The following ADCY9 variants were observed in gnomAD, a reference collection of about 807,000 sequenced individuals.
ADCY9 encodes the protein adenylate cyclase type 9.
Under a neutral mutation model 101.5 loss-of-function variants are expected in ADCY9, and 50 were observed. The ratio of observed to expected loss-of-function variants is 0.49; its 90% confidence interval spans 0.39 to 0.62. The LOEUF is 0.62. Ranked by LOEUF, ADCY9 falls within the 20% of genes least tolerant of loss-of-function variation. ADCY9 has a pLI of 0.00. For synonymous variants in ADCY9, 905 were observed against 769.3 expected, an observed-to-expected ratio of 1.18 and a Z score of -2.92; for missense variants, 1,662 against 1,800.4, an observed-to-expected ratio of 0.92 and a Z score of 1.39.
downstream of ADCY9, among the ~76,000 whole-genome samples, chr16:3,960,063 A>G (rs1009944321): frequency 6.6e-5 from 10 of 152,040 alleles, no homozygotes; most frequent in African/African-American, 2.4e-4. Flanking sequence ...CGCATGTAAC[A>G]ATGAGTAGCA....
chr16:4,034,515 T>C (rs2056576890), intron 2 of ADCY9, among the ~76,000 whole-genome samples: 1 of 152,118 alleles, frequency 6.6e-6, no homozygotes, highest in South Asian at 2.1e-4. Flanking sequence ...GTTCAAGAGT[T>C]TCTCCTGCCT....
In ADCY9 at chr16:3,989,120, C is replaced by T. The variant is rs760980813; in HGVS notation, c.2208-24G>A. 4 of 1,520,032 alleles carry T rather than the reference C, an allele frequency of 2.6e-6. No homozygotes were observed. The South Asian group carries it at 3.4e-5, about 13-fold the overall frequency. 94.2% of individuals were successfully genotyped at this position (1,520,032 alleles called of 1,614,324 possible). A position where few individuals can be genotyped will look rare whatever the true frequency, so the allele number is the denominator to read the frequency against. Reference sequence around the variant, plus strand: ...GGCTAGAAGACACAACAAATGCAGTCGATCAATACCCAGCACCATAACTGT... The same window carrying T: ...GGCTAGAAGACACAACAAATGCAGTTGATCAATACCCAGCACCATAACTGT... On this transcript the variant is annotated intron_variant, in intron 5 of 10. Transcript: ENST00000294016.
At chr16:4,005,495 C>T (rs2056361051) in intron 3 of ADCY9, among the ~76,000 whole-genome samples, 1 of 152,192 alleles carries the variant, frequency 6.6e-6, no homozygotes, top group African/African-American at 2.4e-5. Flanking sequence ...GCCCACAGCA[C>T]CAGGATTACA....
At position 4,113,987 on chromosome 16, in the gene ADCY9, T is replaced by A; in HGVS notation, c.1456A>T (p.Met486Leu). Residue 486 changes from methionine (M) to leucine (L), a missense_variant, in exon 2 of 11, where the codon ATG becomes TTG. By Grantham distance (15) the Met-to-Leu change is conservative. Around this residue, in one of 5 missense-constraint regions of ADCY9, gnomAD observed 228 missense variants for 301.1 expected, o/e 0.76. Coordinates refer to ENST00000294016, the MANE Select transcript of ADCY9 (RefSeq NM_001116.4). ...FCQEKKEMVN[M>L]RVGVHTGTVL... ...GTGCCCGTGTGCACCCCGACTCTCA[T>A]GTTCACCATCTCCTTCTTCTCCTGG... The A allele has an allele frequency of 6.2e-7, 1 of 1,613,942 alleles. No individual in the cohort carries two copies. The highest frequency in any genetic ancestry group is 8.5e-7 in the Non-Finnish European group (1 of 1,180,034).
chr16:4,027,908 G>C (rs1317515891), intron 2 of ADCY9, among the ~76,000 whole-genome samples: 1 of 151,240 alleles, frequency 6.6e-6, no homozygotes, highest in Admixed American at 6.6e-5. Context: ...AAACCCATCA[G>C]ATCTCGTGAG....
intron 6 of ADCY9, among the ~76,000 whole-genome samples, chr16:3,985,625 G>A (rs1243803128): frequency 6.6e-6 from 1 of 152,144 alleles, no homozygotes; most frequent in Non-Finnish European, 1.5e-5. Flanking sequence ...TTCCACGTGG[G>A]CTGCCGTCCT....
chr16:4,057,052 C>G (rs1044128916), intron 2 of ADCY9, among the ~76,000 whole-genome samples: 4 of 135,186 alleles, frequency 3.0e-5, no homozygotes, highest in Admixed American at 7.3e-5. Flanking sequence ...CCCCCCCCCC[C>G]GCCAATCTTA....
At chr16:4,036,660 C>T (rs2141760764) in intron 2 of ADCY9, among the ~76,000 whole-genome samples, 1 of 151,956 alleles carries the variant, frequency 6.6e-6, no homozygotes. Context: ...AAGGGTTTCG[C>T]CATGTTGGCC....
intron 10 of ADCY9, among the ~76,000 whole-genome samples, chr16:3,968,200 T>G (rs1276975904): frequency 6.6e-6 from 1 of 152,048 alleles, no homozygotes; most frequent in East Asian, 1.9e-4. Flanking sequence ...TGGTGAGATC[T>G]TGGCTCACTA....
chr16:4,089,694 C>T lies in ADCY9; in HGVS notation c.1693+24056G>A, dbSNP rs144505869. On this transcript the variant is annotated intron_variant, in intron 2 of 10. Coordinates refer to ENST00000294016, the MANE Select transcript of ADCY9 (RefSeq NM_001116.4). ...TGAACCATTTCACGTTCTCACCAGC[C>T]GTAAAGGGGAAAGTCTGGGAGGCTC... Among the ~76,000 whole-genome samples the T allele has an allele frequency of 6.9e-3, 1,048 of 152,082 alleles. 11 individuals are homozygous for T. The highest frequency in any genetic ancestry group is 0.024 in the African/African-American group (1,004 of 41,506).
chr16:4,004,971 T>C (rs1053338889), intron 3 of ADCY9, among the ~76,000 whole-genome samples: 1 of 152,102 alleles, frequency 6.6e-6, no homozygotes, highest in African/African-American at 2.4e-5. Context: ...AATGTATTGG[T>C]CCTTGGCATG....
intron 10 of ADCY9, among the ~76,000 whole-genome samples, chr16:3,969,569 AAT>A (rs57260468): frequency 0.021 from 944 of 45,166 alleles, 19 homozygotes; most frequent in Middle Eastern, 0.077. Context: ...GTTTGTTTGA[AAT>A]ATATATATAT....
At chr16:4,056,327 T>C (rs2056737809) in intron 2 of ADCY9, among the ~76,000 whole-genome samples, 1 of 152,212 alleles carries the variant, frequency 6.6e-6, no homozygotes, top group Non-Finnish European at 1.5e-5. Context: ...CAATCTCAGC[T>C]CACTGTAACC....
chr16:4,089,807 G>C (rs762580687), intron 2 of ADCY9, among the ~76,000 whole-genome samples: 1 of 152,000 alleles, frequency 6.6e-6, no homozygotes, highest in Non-Finnish European at 1.5e-5. Context: ...GCGTGCCAAG[G>C]TGGCTTCCAA....
intron 2 of ADCY9, among the ~76,000 whole-genome samples, chr16:4,091,851 TA>T (rs1408491538): frequency 6.6e-6 from 1 of 152,232 alleles, no homozygotes; most frequent in Non-Finnish European, 1.5e-5. Context: ...GGTTTCCTTC[TA>T]GGGGTGATGA....
intron 5 of ADCY9, among the ~76,000 whole-genome samples, chr16:3,991,532 G>A (rs771577241): frequency 2.0e-5 from 3 of 151,988 alleles, no homozygotes; most frequent in Non-Finnish European, 2.9e-5. Flanking sequence ...AGGCCGAGGC[G>A]GGCAGATCAC....
intron 2 of ADCY9, among the ~76,000 whole-genome samples, chr16:4,020,030 A>G (rs993824667): frequency 7.9e-5 from 12 of 152,054 alleles, no homozygotes; most frequent in Admixed American, 2.0e-4. Flanking sequence ...GTGAGCTGAG[A>G]TCGCGCCACT....
intron 3 of ADCY9, among the ~76,000 whole-genome samples, chr16:4,005,596 C>T (rs776974048): frequency 6.6e-6 from 1 of 152,122 alleles, no homozygotes; most frequent in Non-Finnish European, 1.5e-5. Context: ...TCTCCACATG[C>T]CAAGAAGATA....
rs562921082 is a variant in ADCY9, at chr16:3,990,517, GC to G, written c.2208-1422del. ...GTGAAATATGTCAAGTGCCTCATGTGCCCCCCACACAAAGTACGGCTCATCA... is the reference window on the plus strand; with the variant it reads ...GTGAAATATGTCAAGTGCCTCATGTGCCCCCACACAAAGTACGGCTCATCA... On this transcript the variant is annotated intron_variant, in intron 5 of 10. Transcript: ENST00000294016. Among the ~76,000 whole-genome samples, 422 of 151,140 alleles carry G rather than the reference GC, an allele frequency of 2.8e-3. 2 individuals are homozygous for G. The highest frequency in any genetic ancestry group is 9.8e-3 in the African/African-American group (404 of 41,206).
Sources: gnomAD v4.1 joint callset for allele counts (sites outside exome capture counted in the v4.1 genomes callset) on GRCh38, gnomAD v4.1.1 for gene constraint, gnomAD v4.1.1 regional missense constraint, MANE v1.5 for transcripts, NCBI Gene and HGNC (gene_info 2026-07-23, HGNC 2026-07-21) for gene names.